RORA: variants seen among roughly 807,000 people sequenced by gnomAD.
RORA encodes nuclear receptor ROR-alpha.
In RORA, 7 loss-of-function variants were observed where a neutral mutation model predicts 69.5. That is an observed-to-expected ratio of 0.10 (90% CI 0.06 to 0.19). The LOEUF (loss-of-function observed/expected upper bound fraction) is 0.19, where lower values mean the gene tolerates loss of function less well. RORA is among the 10% of genes least tolerant of loss of function. The pLI is 1.00. For missense variants in RORA, 457 were observed against 663.0 expected (o/e 0.69, Z 3.41); for synonymous variants, 261 against 240.8 (o/e 1.08, Z -0.78).
intron 1 of RORA, among the ~76,000 whole-genome samples, chr15:60,904,224 G>A (rs984506610): frequency 3.3e-5 from 5 of 152,148 alleles, no homozygotes; most frequent in African/African-American, 7.2e-5. Context: ...TCTTAATAAC[G>A]TTTTTCTTTA....
intron 1 of RORA, among the ~76,000 whole-genome samples, chr15:61,007,692 T>A (rs951568322): frequency 2.7e-5 from 4 of 149,752 alleles, no homozygotes; most frequent in African/African-American, 9.8e-5. Flanking sequence ...TAAAAATATA[T>A]AACATTAGGC....
chr15:60,756,663 T>C (rs892444461), intron 1 of RORA, among the ~76,000 whole-genome samples: 1 of 152,190 alleles, frequency 6.6e-6, no homozygotes, highest in South Asian at 2.1e-4. Context: ...TTTATTTCAC[T>C]AGAAATAAAC....
chr15:60,615,999 G>A (rs866711785), intron 2 of RORA, among the ~76,000 whole-genome samples: 28 of 152,294 alleles, frequency 1.8e-4, no homozygotes, highest in South Asian at 1.4e-3. Context: ...CCTCTAAAAA[G>A]TGCCATTGCT....
intron 1 of RORA, among the ~76,000 whole-genome samples, chr15:61,192,413 C>T (rs2079809090): frequency 6.6e-6 from 1 of 152,194 alleles, no homozygotes; most frequent in African/African-American, 2.4e-5. Context: ...TAAAAGATGA[C>T]AATATCTACC....
chr15:60,777,322 G>T (rs1368603265), intron 1 of RORA, among the ~76,000 whole-genome samples: 1 of 152,176 alleles, frequency 6.6e-6, no homozygotes, highest in Admixed American at 6.5e-5. Flanking sequence ...GCAGCCTCAT[G>T]GTATCATGGA....
chr15:60,969,677 T>C (rs747098102), intron 1 of RORA, among the ~76,000 whole-genome samples: 3 of 152,160 alleles, frequency 2.0e-5, no homozygotes, highest in Non-Finnish European at 2.9e-5. Context: ...TATCCCTCTC[T>C]ACACACCAAG....
At chr15:60,958,147 A>G (rs1223866896) in intron 1 of RORA, among the ~76,000 whole-genome samples, 2 of 152,232 alleles carry the variant, frequency 1.3e-5, no homozygotes, top group African/African-American at 4.8e-5. Context: ...GCAAAAGTTC[A>G]TATCTCATTA....
intron 2 of RORA, among the ~76,000 whole-genome samples, chr15:60,567,780 T>G (rs2067760219): frequency 6.6e-6 from 1 of 152,222 alleles, no homozygotes; most frequent in Admixed American, 6.5e-5. Flanking sequence ...TATCTCCGGC[T>G]TCTTTTGGTA....
chr15:60,756,907 G>A (rs1231341164), intron 1 of RORA, among the ~76,000 whole-genome samples: 4 of 152,046 alleles, frequency 2.6e-5, no homozygotes, highest in East Asian at 3.9e-4. Flanking sequence ...ATTAAACCAT[G>A]GGAATCACTT....
chr15:60,872,765 A>G (rs1180330660), intron 1 of RORA, among the ~76,000 whole-genome samples: 1 of 151,512 alleles, frequency 6.6e-6, no homozygotes, highest in East Asian at 1.9e-4. Flanking sequence ...ATCAAAGTCA[A>G]CTCCTTAGCA....
At chr15:60,917,290 G>A (rs1048221028) in intron 1 of RORA, among the ~76,000 whole-genome samples, 2 of 152,236 alleles carry the variant, frequency 1.3e-5, no homozygotes, top group East Asian at 3.9e-4. Context: ...CTTTTACGTG[G>A]CAAAGCCATT....
At position 60,833,049 on chromosome 15, in the gene RORA, C is replaced by T. The variant is rs567226340; in HGVS notation, c.167-154363G>A. Among the ~76,000 whole-genome samples, 8 of 151,850 alleles carry T rather than the reference C, an allele frequency of 5.3e-5. No individual in the cohort carries two copies. The South Asian group carries it at 6.2e-4, about 12-fold the overall frequency. Reference sequence around the variant, plus strand: ...CCTCCTGAGTAGCTGGGACTACAGGCGCCCACCACCATGCCCGGCTAATTT... The same window carrying T: ...CCTCCTGAGTAGCTGGGACTACAGGTGCCCACCACCATGCCCGGCTAATTT... On this transcript the variant is annotated intron_variant, in intron 1 of 10. Coordinates refer to ENST00000335670, the MANE Select transcript of RORA (RefSeq NM_134261.3).
chr15:60,762,425 C>A (rs1302127553), intron 1 of RORA, among the ~76,000 whole-genome samples: 3 of 152,206 alleles, frequency 2.0e-5, no homozygotes, highest in Non-Finnish European at 4.4e-5. Flanking sequence ...GTATTTCTAT[C>A]AAACCAGAGG....
chr15:61,209,149 T>C (rs997128441), intron 1 of RORA, among the ~76,000 whole-genome samples: 2 of 152,234 alleles, frequency 1.3e-5, no homozygotes, highest in Non-Finnish European at 2.9e-5. Context: ...AACATCCTAA[T>C]TCAGAGCTCG....
intron 1 of RORA, among the ~76,000 whole-genome samples, chr15:60,853,373 G>A (rs2073346171): frequency 6.6e-6 from 1 of 152,166 alleles, no homozygotes. Flanking sequence ...AGCAGAAGAC[G>A]ATAATAGAGA....
chr15:61,222,866 A>G (rs910959629), intron 1 of RORA, among the ~76,000 whole-genome samples: 2 of 152,222 alleles, frequency 1.3e-5, no homozygotes, highest in African/African-American at 4.8e-5. Flanking sequence ...TTCAGGATTT[A>G]AGAGCCTCAT....
chr15:60,708,607 G>C (rs1398547564), intron 1 of RORA, among the ~76,000 whole-genome samples: 1 of 152,014 alleles, frequency 6.6e-6, no homozygotes, highest in Non-Finnish European at 1.5e-5. Context: ...CATAACACTT[G>C]CACAAAAATT....
intron 1 of RORA, among the ~76,000 whole-genome samples, chr15:60,704,728 A>C (rs1255895410): frequency 6.6e-6 from 1 of 152,216 alleles, no homozygotes; most frequent in Non-Finnish European, 1.5e-5. Flanking sequence ...ACTGATTCAC[A>C]GAATACTATA....
intron 1 of RORA, among the ~76,000 whole-genome samples, chr15:61,035,497 T>A (rs963176158): frequency 2.0e-5 from 3 of 152,146 alleles, no homozygotes; most frequent in Non-Finnish European, 4.4e-5. Flanking sequence ...GTCCTAAGAA[T>A]CTGGTCTGAA....
Sources: gnomAD v4.1 joint callset for allele counts (sites outside exome capture counted in the v4.1 genomes callset) on GRCh38, gnomAD v4.1.1 for gene constraint, MANE v1.5 for transcripts, NCBI Gene and HGNC (gene_info 2026-07-23, HGNC 2026-07-21) for gene names.